The following ZSCAN18 variants were observed in gnomAD, a reference collection of about 807,000 sequenced individuals.
The protein encoded by ZSCAN18 is zinc finger and SCAN domain containing 18, also known as zinc finger and SCAN domain-containing protein 18.
ZSCAN18 carries 16 observed loss-of-function variants against 31.1 expected under a neutral mutation model. That is an observed-to-expected ratio of 0.51 (90% CI 0.35 to 0.78). The LOEUF is 0.78. Ranked by LOEUF, ZSCAN18 falls within the 30% of genes least tolerant of loss-of-function variation. ZSCAN18 has a pLI of 0.01. For synonymous variants in ZSCAN18, 375 were observed against 320.7 expected (o/e 1.17, Z -1.81); for missense variants, 731 against 697.4 (o/e 1.05, Z -0.54).
chr19:58,109,228 T>A, intron 1 of ZSCAN18: 2 of 1,231,730 alleles, frequency 1.6e-6, no homozygotes, highest in Non-Finnish European at 2.0e-6. Flanking sequence ...TGAACCTTTT[T>A]ATTTTCACCA....
intron 1 of ZSCAN18, among the ~76,000 whole-genome samples, chr19:58,094,021 T>TC (rs1327816010): frequency 6.6e-6 from 1 of 151,892 alleles, no homozygotes; most frequent in Non-Finnish European, 1.5e-5. Context: ...CGCCTCGGCC[T>TC]CCCAAAGTGC....
chr19:58,110,819 G>C (rs2074676460), intron 1 of ZSCAN18, among the ~76,000 whole-genome samples: 1 of 152,154 alleles, frequency 6.6e-6, no homozygotes, highest in Non-Finnish European at 1.5e-5. Context: ...ATTTTCATGA[G>C]TGTTCATATG....
intron 1 of ZSCAN18, among the ~76,000 whole-genome samples, chr19:58,103,251 TTC>T (rs2074609392): frequency 6.6e-6 from 1 of 152,248 alleles, no homozygotes; most frequent in Admixed American, 6.5e-5. Context: ...AGTCTTTAGG[TTC>T]TGTGTCACGA....
rs1311488407 is a variant in ZSCAN18 at position 58,084,741 on chromosome 19, G to C, written c.1477C>G (p.Pro493Ala). 1.3e-6 allele frequency: 2 copies of C among 1,547,344 alleles called. No individual in the cohort carries two copies. Among genetic ancestry groups the C allele is most frequent in the South Asian group, 2.4e-5 (2 of 82,988 alleles). ...EAQAGARAGG[P>A]PESVEGEAPP... The stretch of plus-strand genomic sequence containing the variant: ...GCCTCGCCCTCCACGCTCTCTGGGG[G>C]ACCGCCCGCCCTAGCCCCCGCCTGG... The change falls in exon 7 of 7, where the codon CCC becomes GCC. Residue 493 changes from proline to alanine, a missense_variant. Physicochemically the swap from Pro to Ala is conservative, Grantham distance 27 (BLOSUM62 -1). Around this residue, in one of 4 missense-constraint regions of ZSCAN18, gnomAD observed 597 missense variants for 499.5 expected, o/e 1.20. Coordinates refer to ENST00000601144, the MANE Select transcript of ZSCAN18 (RefSeq NM_001145543.2). This position sits in a 1 kb window ranked among gnomAD's most constrained non-coding sequence, Gnocchi z 4.5.
intron 1 of ZSCAN18, among the ~76,000 whole-genome samples, chr19:58,113,854 T>C (rs1454056848): frequency 1.3e-5 from 2 of 152,076 alleles, no homozygotes; most frequent in East Asian, 3.9e-4. Context: ...GGCATGCGCC[T>C]GAAATCCCAG....
intron 1 of ZSCAN18, among the ~76,000 whole-genome samples, chr19:58,104,425 G>A (rs1184978485): frequency 6.6e-6 from 1 of 150,712 alleles, no homozygotes; most frequent in Admixed American, 6.6e-5. Flanking sequence ...TGGGCCGGGT[G>A]TGGTGGCTCA....
At chr19:58,105,525 G>A (rs1281429277) in intron 1 of ZSCAN18, among the ~76,000 whole-genome samples, 9 of 152,274 alleles carry the variant, frequency 5.9e-5, no homozygotes. Flanking sequence ...GCCGGGCGTG[G>A]TGGCGGGTGC....
At chr19:58,098,341 A>C, upstream of ZSCAN18, 1 of 985,508 alleles carries the variant, frequency 1.0e-6, no homozygotes, top group Middle Eastern at 5.2e-4. Context: ...GACAGGTGAC[A>C]GTGCGCATGG....
chr19:58,096,838 G>T (rs1027999193), intron 1 of ZSCAN18, among the ~76,000 whole-genome samples: 2 of 152,160 alleles, frequency 1.3e-5, no homozygotes, highest in Admixed American at 6.5e-5. Flanking sequence ...GCTTTTAAAA[G>T]AATGAAAAAA....
At chr19:58,088,287 G>C (rs992818968) in intron 3 of ZSCAN18, 1 of 161,154 alleles carries the variant, frequency 6.2e-6, no homozygotes, top group Admixed American at 6.1e-5. Context: ...CCCTCGAACA[G>C]CAAGCACTCA....
At chr19:58,104,231 T>C (rs2074615998) in intron 1 of ZSCAN18, among the ~76,000 whole-genome samples, 1 of 151,866 alleles carries the variant, frequency 6.6e-6, no homozygotes, top group Admixed American at 6.6e-5. Flanking sequence ...ATACAAAAAT[T>C]AGCTGGGCAT....
chr19:58,084,309 G>T lies in ZSCAN18; in HGVS notation c.*376C>A, dbSNP rs10878. 32,994 of 192,884 alleles carry T rather than the reference G, an allele frequency of 0.17. 3,221 individuals are homozygous for T. Among genetic ancestry groups the T allele is most frequent in the Middle Eastern group, 0.23 (122 of 530 alleles). The allele number at this position is 192,884 out of a possible 1,614,324, so 11.9% of individuals were successfully genotyped here. ...TGAGCAACCCTGGGGAGCGCAAACA[G>T]GAGGAATCGGGGCAAGGGTGACTTG... On this transcript the variant is annotated 3_prime_UTR_variant, in exon 7 of 7. Coordinates refer to ENST00000601144, the MANE Select transcript of ZSCAN18 (RefSeq NM_001145543.2). This position sits in a 1 kb window ranked among gnomAD's most constrained non-coding sequence, Gnocchi z 4.5.
At chr19:58,091,856 G>A (rs772093080) in intron 1 of ZSCAN18, among the ~76,000 whole-genome samples, 3 of 152,164 alleles carry the variant, frequency 2.0e-5, no homozygotes, top group Non-Finnish European at 2.9e-5. Context: ...GAGACAGCTG[G>A]AAGGGGATTT....
chr19:58,109,583 C>T (rs1253186740), intron 1 of ZSCAN18, among the ~76,000 whole-genome samples: 1 of 152,074 alleles, frequency 6.6e-6, no homozygotes, highest in Non-Finnish European at 1.5e-5. Flanking sequence ...GATGAAATAC[C>T]ACACATTAAC....
At chr19:58,088,576 C>T (rs1010891318) in intron 3 of ZSCAN18, 112 bp downstream of exon 3, 10 of 1,083,114 alleles carry the variant, frequency 9.2e-6, no homozygotes, top group South Asian at 1.5e-5. Context: ...ATAGCATGGA[C>T]CATGGAGCCC....
At chr19:58,117,755 T>G (rs7252304) in intron 1 of ZSCAN18, among the ~76,000 whole-genome samples, 109,349 of 143,064 alleles carry the variant, frequency 0.76, 42,264 homozygotes, top group Non-Finnish European at 0.85. Flanking sequence ...GAGGCTGAGG[T>G]TAAGGGACAG....
In ZSCAN18 at chr19:58,084,963, C is replaced by T. The variant is rs988755066; in HGVS notation, c.1255G>A (p.Gly419Arg). ...RGKPYACGEC[G>R]EAFAWLSHLM... is the part of the protein sequence containing the mutation. ...TGCGAGAGCCACGCGAAGGCCTCCCCGCACTCGCCGCAGGCATAGGGCTTC... is the reference window on the plus strand; with the variant it reads ...TGCGAGAGCCACGCGAAGGCCTCCCTGCACTCGCCGCAGGCATAGGGCTTC... The change falls in exon 7 of 7, where the codon GGG (glycine) becomes AGG (arginine). Residue 419 changes from glycine (G) to arginine (R), a missense_variant. Physicochemically the swap from Gly to Arg is moderately radical, Grantham distance 125. Coordinates refer to ENST00000601144, the MANE Select transcript of ZSCAN18 (RefSeq NM_001145543.2). The surrounding 1 kb of genome is among the most constrained non-coding windows in gnomAD (Gnocchi z 4.5). The T allele has an allele frequency of 1.9e-6, 3 of 1,598,514 alleles. No individual in the cohort carries two copies. Among genetic ancestry groups the T allele is most frequent in the Middle Eastern group, 1.7e-4 (1 of 6,016 alleles).
chr19:58,087,152 C>T, intron 4 of ZSCAN18, 144 bp from the exon 5 acceptor site: 8 of 998,728 alleles, frequency 8.0e-6, no homozygotes, highest in South Asian at 3.2e-5. Flanking sequence ...CAGCCCCCTT[C>T]GCACCACAAA....
chr19:58,086,107 G>GC, intron 6 of ZSCAN18, 67 bp downstream of exon 6: 1 of 1,434,650 alleles, frequency 7.0e-7, no homozygotes, highest in Non-Finnish European at 9.8e-7. Context: ...GCTGGGAGGG[G>GC]CCCCCTCAGC....
Sources: gnomAD v4.1 joint callset for allele counts (sites outside exome capture counted in the v4.1 genomes callset) on GRCh38, gnomAD v4.1.1 for gene constraint, gnomAD v4.1.1 regional missense constraint, Gnocchi (gnomAD v3.1) non-coding constraint, MANE v1.5 for transcripts, NCBI Gene and HGNC (gene_info 2026-07-23, HGNC 2026-07-21) for gene names.